The following PRSS12 variants were observed in gnomAD, a reference collection of about 807,000 sequenced individuals.
PRSS12 encodes the protein neurotrypsin.
A neutral mutation model predicts 104.4 loss-of-function variants in PRSS12; 85 were observed. The observed-to-expected ratio is 0.81, with a 90% CI of 0.68 to 0.98. The LOEUF (loss-of-function observed/expected upper bound fraction) is 0.98, where lower values mean the gene tolerates loss of function less well. Ranked by LOEUF, PRSS12 falls within the 50% of genes least tolerant of loss-of-function variation. PRSS12 has a pLI of 0.00. For missense variants in PRSS12, 1,141 were observed against 1,139.2 expected (o/e 1.00, Z -0.02); for synonymous variants, 454 against 425.2 (o/e 1.07, Z -0.83).
chr4:118,347,414 T>G (rs1165014685), intron 1 of PRSS12, among the ~76,000 whole-genome samples: 1 of 152,192 alleles, frequency 6.6e-6, no homozygotes. Flanking sequence ...TTTGGGTGGG[T>G]AGGTGCACAT....
At chr4:118,296,065 TTCTTCACCTCTGAGGGGTTCA>T (rs1743247739) in intron 9 of PRSS12, among the ~76,000 whole-genome samples, 1 of 152,256 alleles carries the variant, frequency 6.6e-6, no homozygotes, top group Non-Finnish European at 1.5e-5. Flanking sequence ...AGGTTTCCCA[TTCTTCACCTCTGAGGGGTTCA>T]TGGGCTGCTG....
chr4:118,325,323 TA>T (rs756487567), intron 4 of PRSS12, among the ~76,000 whole-genome samples: 2,320 of 132,558 alleles, frequency 0.018, 35 homozygotes, highest in African/African-American at 0.045. Context: ...AGCTGAAAAT[TA>T]AAAAAAAAAA....
intron 1 of PRSS12, among the ~76,000 whole-genome samples, chr4:118,351,228 G>C (rs1405973320): frequency 6.6e-6 from 1 of 152,100 alleles, no homozygotes; most frequent in East Asian, 1.9e-4. Flanking sequence ...AGTACAATAT[G>C]ATTCAGAATC....
Position 118,280,888 on chromosome 4 carries a change from G to A in PRSS12, c.*1048C>T, listed in dbSNP as rs1742829932. The stretch of plus-strand genomic sequence containing the variant: ...TGTTTTCCCCCATTTGAAAACAAGG[G>A]CTACTACCATAAGATTTACTGGCCT... On this transcript the variant is annotated 3_prime_UTR_variant, in exon 13 of 13. Transcript: ENST00000296498. The A allele has an allele frequency of 6.6e-6, 1 of 152,212 alleles. No individual in the cohort carries two copies. The highest frequency in any genetic ancestry group is 2.4e-5 in the African/African-American group (1 of 41,444). 9.4% of individuals were successfully genotyped at this position (152,212 alleles called of 1,614,324 possible).
chr4:118,284,413 A>G (rs1742968467), intron 11 of PRSS12, among the ~76,000 whole-genome samples: 2 of 152,158 alleles, frequency 1.3e-5, no homozygotes, highest in Admixed American at 1.3e-4. Context: ...TCCACTACTT[A>G]TAACATTCTT....
At chr4:118,282,701 A>G (rs1327429786) in intron 12 of PRSS12, 130 bp downstream of exon 12, 9 of 1,298,904 alleles carry the variant, frequency 6.9e-6, no homozygotes, top group Non-Finnish European at 9.9e-6. Flanking sequence ...ACATGCATGC[A>G]TTTCACACTA....
chr4:118,352,666 C>T lies in PRSS12; in HGVS notation c.55G>A (p.Val19Ile). 3.1e-6 allele frequency: 5 copies of T among 1,613,386 alleles called. No homozygotes were observed. The highest frequency in any genetic ancestry group is 4.2e-6 in the Non-Finnish European group (5 of 1,179,596). ...ALMLGALPEV[V>I]GFDSVLNDSL... ...TCATTGAGGACAGAATCAAAGCCGACCACTTCGGGGAGCGCCCCTAACATC... is the reference window on the plus strand; with the variant it reads ...TCATTGAGGACAGAATCAAAGCCGATCACTTCGGGGAGCGCCCCTAACATC... The change falls in exon 1 of 13, where the codon GTC becomes ATC. Residue 19 changes from valine to isoleucine, a missense_variant. By Grantham distance (29) the Val-to-Ile change is conservative. Transcript: ENST00000296498.
chr4:118,284,826 T>TA (rs1209378542), intron 11 of PRSS12, among the ~76,000 whole-genome samples: 1 of 152,204 alleles, frequency 6.6e-6, no homozygotes, highest in African/African-American at 2.4e-5. Flanking sequence ...ATCTAACTGT[T>TA]AAAGTGGGGA....
intron 4 of PRSS12, among the ~76,000 whole-genome samples, chr4:118,329,574 T>G (rs1723866170): frequency 6.6e-6 from 1 of 152,186 alleles, no homozygotes; most frequent in Non-Finnish European, 1.5e-5. Flanking sequence ...AAATAGAAGT[T>G]CCAGATGGAG....
chr4:118,340,315 T>A (rs1724169410), intron 1 of PRSS12, among the ~76,000 whole-genome samples: 2 of 152,202 alleles, frequency 1.3e-5, no homozygotes, highest in African/African-American at 4.8e-5. Context: ...TCATCCAATT[T>A]TCCTTTAACA....
intron 7 of PRSS12, among the ~76,000 whole-genome samples, chr4:118,309,568 G>A (rs1031139690): frequency 1.3e-5 from 2 of 152,016 alleles, no homozygotes; most frequent in East Asian, 3.9e-4. Flanking sequence ...CCAAAACTGT[G>A]AAACAATAAA....
chr4:118,282,061 C>CG lies in PRSS12; in HGVS notation c.2502dup (p.Gly835ArgfsTer111), dbSNP rs1560761265. On this transcript the variant is annotated frameshift_variant, in exon 13 of 13. Coordinates refer to ENST00000296498, the MANE Select transcript of PRSS12 (RefSeq NM_003619.4). LOFTEE classifies it high-confidence loss of function. ...ACCCCATACACCACCCAGCTCTCTC[C>CG]GGGCCGTTCACACATGAGTGGTCCT... The CG allele has an allele frequency of 6.2e-7, 1 of 1,614,190 alleles. No homozygotes were observed. Among genetic ancestry groups the CG allele is most frequent in the Non-Finnish European group, 8.5e-7 (1 of 1,180,046 alleles).
chr4:118,304,217 C>T (rs941401084), intron 8 of PRSS12, among the ~76,000 whole-genome samples: 4 of 150,814 alleles, frequency 2.7e-5, no homozygotes, highest in African/African-American at 9.8e-5. Flanking sequence ...CATATACACA[C>T]ATATTTTTAA....
intron 11 of PRSS12, among the ~76,000 whole-genome samples, chr4:118,294,429 C>G (rs948327038): frequency 6.6e-6 from 1 of 152,136 alleles, no homozygotes; most frequent in African/African-American, 2.4e-5. Flanking sequence ...CTCCTCTGAA[C>G]TGGGAAGACT....
rs866697661 is a variant in PRSS12, at chr4:118,352,889, G to T, written c.-169C>A. On this transcript the variant is annotated 5_prime_UTR_variant, in exon 1 of 13. Coordinates refer to ENST00000296498, the MANE Select transcript of PRSS12 (RefSeq NM_003619.4). ...CCCAACCTTGCCTCCCGCCGCTGGT[G>T]CCCTGCCGCGCCTCGGCTCCTGTCC... The T allele has an allele frequency of 3.3e-4, 466 of 1,408,134 alleles. 3 individuals carry two copies. The African/African-American group carries it at 5.9e-3, about 18-fold the overall frequency. The allele number at this position is 1,408,134 out of a possible 1,614,324, so 87.2% of individuals were successfully genotyped here.
chr4:118,351,784 A>G (rs557185163), intron 1 of PRSS12, among the ~76,000 whole-genome samples: 78 of 152,312 alleles, frequency 5.1e-4, no homozygotes, highest in African/African-American at 1.8e-3. Context: ...AGGGAAGGTT[A>G]TTGATTGCCA....
intron 6 of PRSS12, among the ~76,000 whole-genome samples, chr4:118,314,111 T>C (rs1460382590): frequency 2.0e-5 from 3 of 152,120 alleles, no homozygotes; most frequent in Non-Finnish European, 4.4e-5. Flanking sequence ...TCTTTCATCC[T>C]CCCAATTTTA....
intron 4 of PRSS12, among the ~76,000 whole-genome samples, chr4:118,331,431 T>C (rs1245403525): frequency 6.6e-6 from 1 of 152,186 alleles, no homozygotes; most frequent in Non-Finnish European, 1.5e-5. Context: ...TAGTTTACAG[T>C]GCTGGTTACT....
chr4:118,343,294 C>T (rs1724262944), intron 1 of PRSS12, among the ~76,000 whole-genome samples: 1 of 151,914 alleles, frequency 6.6e-6, no homozygotes, highest in African/African-American at 2.4e-5. Flanking sequence ...ACTCAGGCTA[C>T]TAAGGCGGAA....
Sources: allele counts gnomAD v4.1 joint callset (sites outside exome capture counted in the v4.1 genomes callset), GRCh38; gene constraint gnomAD v4.1.1; transcripts MANE v1.5; gene names NCBI Gene and HGNC (gene_info 2026-07-23, HGNC 2026-07-21).